The following MICAL2 variants were observed in gnomAD, a reference collection of about 807,000 sequenced individuals.
MICAL2 encodes [F-actin]-monooxygenase MICAL2.
MICAL2 carries 77 observed loss-of-function variants against 127.3 expected under a neutral mutation model. That is an observed-to-expected ratio of 0.60 (90% CI 0.50 to 0.73). The LOEUF is 0.73. Among genes scored for constraint, MICAL2 ranks in the 30% least tolerant of loss-of-function variants. The probability of loss-of-function intolerance (pLI) is 0.00; values close to 1 mark genes in which losing one functional copy is unlikely to be tolerated. For synonymous variants in MICAL2, 570 were observed against 551.1 expected (o/e 1.03, Z -0.48); for missense variants, 1,351 against 1,434.4 (o/e 0.94, Z 0.94).
intron 8 of MICAL2, among the ~76,000 whole-genome samples, chr11:12,216,761 G>C (rs1325313572): frequency 2.0e-5 from 3 of 152,158 alleles, no homozygotes; most frequent in African/African-American, 4.8e-5. Context: ...AAAAAGACTC[G>C]ATCTGCATCT....
At chr11:12,248,604 G>A (rs1182454959) in intron 21 of MICAL2, among the ~76,000 whole-genome samples, 1 of 152,246 alleles carries the variant, frequency 6.6e-6, no homozygotes, top group Non-Finnish European at 1.5e-5. Context: ...GGTCAGAAGA[G>A]CACTGAGCAT....
chr11:12,222,781 C>T lies in MICAL2; in HGVS notation c.1449+38C>T, dbSNP rs201707850. The T allele has an allele frequency of 2.5e-6, 4 of 1,612,230 alleles. No homozygotes were observed. In the African/African-American group the frequency reaches 4.0e-5, roughly 16 times the overall value. ...CTGGGGCTCTGTCTGAATCACTCTG[C>T]ACTGAACAGTGGGAAGAGGTGGTGG... On this transcript the variant is annotated intron_variant, in intron 11 of 27. Coordinates refer to ENST00000683283, the MANE Select transcript of MICAL2 (RefSeq NM_001282663.2).
rs373393044 is a variant in MICAL2 at position 12,326,285 on chromosome 11, C to T, written c.5422-888C>T. 6.6e-5 allele frequency among the ~76,000 whole-genome samples: 10 copies of T among 152,342 alleles called. No homozygotes were observed. In the East Asian group the frequency reaches 1.3e-3, roughly 21 times the overall value. ...ATGCCTGTTCTGCCAGGTGCAAAGT[C>T]TGTTCTGCCAAGGGATGTGCCTTTT... On this transcript the variant is annotated intron_variant, in intron 31 of 34. Transcript: ENST00000646065.
chr11:12,266,963 C>T (rs1323766784), downstream of MICAL2, among the ~76,000 whole-genome samples: 1 of 152,226 alleles, frequency 6.6e-6, no homozygotes, highest in Non-Finnish European at 1.5e-5. Context: ...GAAAACTTGT[C>T]GGGCATTCTC....
chr11:12,311,090 C>CTTTCAG (rs1188724429), intron 29 of MICAL2, among the ~76,000 whole-genome samples: 1 of 152,088 alleles, frequency 6.6e-6, no homozygotes, highest in East Asian at 1.9e-4. Context: ...TGTGTGGAGT[C>CTTTCAG]TTTCAGTTTT....
chr11:12,335,210 T>C (rs1353925901), intron 32 of MICAL2, among the ~76,000 whole-genome samples: 1 of 151,198 alleles, frequency 6.6e-6, no homozygotes, highest in East Asian at 1.9e-4. Context: ...CCAGTGATGA[T>C]GAGCCTCTTT....
chr11:12,296,048 G>A (rs11022279), downstream of MICAL2, among the ~76,000 whole-genome samples: 8 of 151,596 alleles, frequency 5.3e-5, no homozygotes, highest in Admixed American at 3.9e-4. Context: ...AATAATCAGA[G>A]TAATCCAACA....
chr11:12,292,272 C>T (rs1259656673), downstream of MICAL2: 2 of 1,614,152 alleles, frequency 1.2e-6, no homozygotes, highest in Admixed American at 1.7e-5. Context: ...TCTGGGAATG[C>T]TCCAGATGGT....
chr11:12,146,352 C>T (rs1368722203), intron 2 of MICAL2, among the ~76,000 whole-genome samples: 1 of 152,220 alleles, frequency 6.6e-6, no homozygotes, highest in Non-Finnish European at 1.5e-5. Flanking sequence ...CTACAAAGAA[C>T]TCAAACAAAT....
chr11:12,334,523 C>T (rs1938712168), intron 32 of MICAL2, among the ~76,000 whole-genome samples: 1 of 151,492 alleles, frequency 6.6e-6, no homozygotes, highest in African/African-American at 2.4e-5. Context: ...CATATGTATA[C>T]ATGTGCCATG....
chr11:12,220,006 G>T (rs1856634968), intron 8 of MICAL2, among the ~76,000 whole-genome samples, 195 bp from the exon 9 acceptor site: 1 of 152,172 alleles, frequency 6.6e-6, no homozygotes, highest in African/African-American at 2.4e-5. Flanking sequence ...CAAATTTGAT[G>T]CTTAATCACA....
At chr11:12,345,153 T>C (rs1938934901) in intron 32 of MICAL2, among the ~76,000 whole-genome samples, 1 of 150,508 alleles carries the variant, frequency 6.6e-6, no homozygotes, top group South Asian at 2.1e-4. Context: ...GAAAGAAAGA[T>C]TGTGAGTATT....
intron 4 of MICAL2, among the ~76,000 whole-genome samples, chr11:12,207,236 T>A (rs1042243645): frequency 1.3e-5 from 2 of 152,154 alleles, no homozygotes; most frequent in Non-Finnish European, 2.9e-5. Context: ...TCTTGCCCCA[T>A]TCTATTTACC....
chr11:12,186,348 G>C (rs902097695), intron 3 of MICAL2, among the ~76,000 whole-genome samples: 1 of 152,030 alleles, frequency 6.6e-6, no homozygotes, highest in African/African-American at 2.4e-5. Flanking sequence ...TTTAAAAGTA[G>C]GTCCATAAAC....
Position 12,346,729 on chromosome 11 carries a change from T to C in MICAL2, c.5516-3109T>C, listed in dbSNP as rs537403695. On this transcript the variant is annotated intron_variant, in intron 32 of 34. Transcript: ENST00000646065. ...TACGTTGGTTTTCCCCAATGGACCATGAGCTCCCAGTTACCTAAAGAGCTG... is the reference window on the plus strand; with the variant it reads ...TACGTTGGTTTTCCCCAATGGACCACGAGCTCCCAGTTACCTAAAGAGCTG... Among the ~76,000 whole-genome samples the C allele has an allele frequency of 2.6e-5, 4 of 152,316 alleles. No individual in the cohort carries two copies. In the South Asian group the frequency reaches 8.3e-4, roughly 32 times the overall value.
intron 21 of MICAL2, among the ~76,000 whole-genome samples, chr11:12,245,643 T>A (rs1860630680): frequency 1.3e-5 from 2 of 152,256 alleles, no homozygotes; most frequent in Non-Finnish European, 2.9e-5. Flanking sequence ...AGCCACCTGC[T>A]CCAGGTCAGC....
intron 29 of MICAL2, chr11:12,319,558 T>C: frequency 1.6e-6 from 1 of 631,580 alleles, no homozygotes; most frequent in East Asian, 2.8e-5. Context: ...TGTTGCCTCA[T>C]GCTCACGGCA....
chr11:12,161,133 T>C (rs7130775), intron 2 of MICAL2, among the ~76,000 whole-genome samples: 141,156 of 152,276 alleles, frequency 0.93, 65,843 homozygotes, highest in Non-Finnish European at 0.98. Context: ...TGTTTTCTTG[T>C]GCCAGCTTTG....
At chr11:12,174,001 T>C (rs1435550986) in intron 3 of MICAL2, among the ~76,000 whole-genome samples, 15 of 152,204 alleles carry the variant, frequency 9.9e-5, no homozygotes, top group Admixed American at 9.8e-4. Context: ...TTTTGAAATC[T>C]GGTGTGTGTT....
Sources: gnomAD v4.1 joint callset for allele counts (sites outside exome capture counted in the v4.1 genomes callset) on GRCh38, gnomAD v4.1.1 for gene constraint, MANE v1.5 for transcripts, NCBI Gene and HGNC (gene_info 2026-07-23, HGNC 2026-07-21) for gene names.